Variants in PTGER4 observed in about 807,000 individuals in gnomAD.
PTGER4 encodes prostaglandin E receptor 4.
PTGER4 carries 11 observed loss-of-function variants against 33.2 expected under a neutral mutation model. That is an observed-to-expected ratio of 0.33 (90% CI 0.21 to 0.55). PTGER4 has a LOEUF of 0.55. Ranked by LOEUF, PTGER4 falls within the 20% of genes least tolerant of loss-of-function variation. PTGER4 has a pLI of 0.92. For synonymous variants in PTGER4, 275 were observed against 281.5 expected (o/e 0.98, Z 0.23); for missense variants, 481 against 650.2 (o/e 0.74, Z 2.83).
the PTGER4 span, among the ~76,000 whole-genome samples, chr5:40,738,632 C>T: frequency 3.0e-4 from 45 of 148,498 alleles, no homozygotes; most frequent in African/African-American, 1.1e-3. Context: ...AGACAGTTTG[C>T]CAAAGAGGTA....
the PTGER4 span, among the ~76,000 whole-genome samples, chr5:40,703,902 C>CAAAAAAAAAAAAAAAAAAA: frequency 5.4e-5 from 2 of 37,264 alleles, no homozygotes; most frequent in African/African-American, 9.8e-5. Flanking sequence ...GACGCCGTCT[C>CAAAAAAAAAAAAAAAAAAA]AAAAAAAAAA....
intron 2 of PTGER4, among the ~76,000 whole-genome samples, chr5:40,690,566 CTA>C (rs1741442683): frequency 6.6e-6 from 1 of 152,276 alleles, no homozygotes; most frequent in South Asian, 2.1e-4. Context: ...GTTGTGATTA[CTA>C]TAACTGGGGA....
At position 40,680,919 on chromosome 5, in the gene PTGER4, C is replaced by T. The variant is rs1741167584; in HGVS notation, c.-43-32C>T. ...CCTTACAAGTGGTAATTTCCGCTCA[C>T]GGCAGCTTTGTCTCTCTTCTACCAT... is the stretch of plus-strand genomic sequence containing the variant. On this transcript the variant is annotated intron_variant, in intron 1 of 2. Coordinates refer to ENST00000302472, the MANE Select transcript of PTGER4 (RefSeq NM_000958.3). The surrounding 1 kb of genome is among the most constrained non-coding windows in gnomAD (Gnocchi z 5.5). 6 of 1,521,030 alleles carry T rather than the reference C, an allele frequency of 3.9e-6. No individual in the cohort carries two copies. In the South Asian group the frequency reaches 5.2e-5, roughly 13 times the overall value. The allele number at this position is 1,521,030 out of a possible 1,614,324, so 94.2% of individuals were successfully genotyped here.
At chr5:40,693,782 T>C (rs1319450889), downstream of PTGER4, 11 of 908,850 alleles carry the variant, frequency 1.2e-5, no homozygotes, top group Non-Finnish European at 1.2e-5. Context: ...GGGGCTTTTT[T>C]GTTGTTTCAG....
chr5:40,719,421 G>T, the PTGER4 span, among the ~76,000 whole-genome samples: 1 of 152,116 alleles, frequency 6.6e-6, no homozygotes, highest in South Asian at 2.1e-4. Context: ...TCATTGTATG[G>T]ATATACCACA....
At chr5:40,703,714 C>A in the PTGER4 span, among the ~76,000 whole-genome samples, 2 of 151,554 alleles carry the variant, frequency 1.3e-5, no homozygotes, top group East Asian at 3.9e-4. Context: ...ACCATTCTGG[C>A]CAACATGGTG....
chr5:40,719,225 C>A, the PTGER4 span, among the ~76,000 whole-genome samples: 2 of 152,280 alleles, frequency 1.3e-5, no homozygotes, highest in African/African-American at 4.8e-5. Flanking sequence ...CTCATTTCTC[C>A]CCAAAACCCC....
At chr5:40,730,409 A>T in the PTGER4 span, 46 of 1,305,846 alleles carry the variant, frequency 3.5e-5, 1 homozygote, top group Admixed American at 3.0e-4. Flanking sequence ...TCAAAAAAAA[A>T]TTTTTATTGT....
the PTGER4 span, among the ~76,000 whole-genome samples, chr5:40,742,736 G>A: frequency 6.6e-6 from 1 of 152,144 alleles, no homozygotes; most frequent in African/African-American, 2.4e-5. Flanking sequence ...ATTATCAAGT[G>A]CCATATTTTC....
At chr5:40,733,470 A>T in the PTGER4 span, among the ~76,000 whole-genome samples, 2 of 152,192 alleles carry the variant, frequency 1.3e-5, no homozygotes, top group Non-Finnish European at 2.9e-5. Context: ...TGTTTTTATA[A>T]ATAAAGTTTG....
At chr5:40,745,712 G>A in the PTGER4 span, among the ~76,000 whole-genome samples, 1 of 150,558 alleles carries the variant, frequency 6.6e-6, no homozygotes, top group South Asian at 2.1e-4. Context: ...ACTGGAACTG[G>A]AATCATACTA....
downstream of PTGER4, among the ~76,000 whole-genome samples, chr5:40,697,171 AAG>A (rs1445957593): frequency 1.3e-5 from 2 of 149,624 alleles, no homozygotes; most frequent in African/African-American, 2.5e-5. Context: ...AAAAGAAAGA[AAG>A]GAAGAAAAAT....
chr5:40,734,053 A>G, the PTGER4 span, among the ~76,000 whole-genome samples: 2 of 152,238 alleles, frequency 1.3e-5, no homozygotes, highest in African/African-American at 4.8e-5. Context: ...TTTGTTGCCA[A>G]CGAGGCCTAT....
chr5:40,697,397 C>A (rs1163415523), downstream of PTGER4, among the ~76,000 whole-genome samples: 1 of 151,748 alleles, frequency 6.6e-6, no homozygotes, highest in Non-Finnish European at 1.5e-5. Flanking sequence ...ACCAGCCTAA[C>A]CAACATGGAG....
the PTGER4 span, among the ~76,000 whole-genome samples, chr5:40,720,408 C>T: frequency 1.3e-5 from 2 of 152,168 alleles, no homozygotes; most frequent in African/African-American, 4.8e-5. Flanking sequence ...TATATGTCTA[C>T]ATTATGCCTA....
At chr5:40,729,184 G>T in the PTGER4 span, among the ~76,000 whole-genome samples, 1 of 152,134 alleles carries the variant, frequency 6.6e-6, no homozygotes, top group African/African-American at 2.4e-5. Flanking sequence ...ACATATTTAA[G>T]ATTGAAAAAG....
chr5:40,713,530 C>T, the PTGER4 span, among the ~76,000 whole-genome samples: 1 of 152,100 alleles, frequency 6.6e-6, no homozygotes, highest in Admixed American at 6.6e-5. Context: ...TGAGCTATAA[C>T]TTGCATGGCT....
the PTGER4 span, chr5:40,715,622 T>C: frequency 6.6e-6 from 1 of 152,386 alleles, no homozygotes; most frequent in Admixed American, 6.5e-5. Context: ...AGCCAAACTT[T>C]CAAAGATTCC....
chr5:40,691,504 T>A lies in PTGER4; in HGVS notation c.868-275T>A, dbSNP rs1476247500. Among the ~76,000 whole-genome samples, 2 of 152,056 alleles carry A rather than the reference T, an allele frequency of 1.3e-5. No individual in the cohort carries two copies. The highest frequency in any genetic ancestry group is 3.9e-4 in the East Asian group (2 of 5,178). ...CTAATGTTTGTATTTTTAGTAGAGATGGGGTTTCGCCATGTTGGACAAGTT... is the reference window on the plus strand; with the variant it reads ...CTAATGTTTGTATTTTTAGTAGAGAAGGGGTTTCGCCATGTTGGACAAGTT... On this transcript the variant is annotated intron_variant, in intron 2 of 2. Transcript: ENST00000302472. The surrounding 1 kb of genome is among the most constrained non-coding windows in gnomAD (Gnocchi z 4.2).
Sources: gnomAD v4.1 joint callset for allele counts (sites outside exome capture counted in the v4.1 genomes callset) on GRCh38, gnomAD v4.1.1 for gene constraint, Gnocchi (gnomAD v3.1) non-coding constraint, MANE v1.5 for transcripts, NCBI Gene and HGNC (gene_info 2026-07-23, HGNC 2026-07-21) for gene names.